TAX1BP1: variants seen among roughly 807,000 people sequenced by gnomAD.
TAX1BP1 encodes tax1-binding protein 1.
TAX1BP1 carries 62 observed loss-of-function variants against 97.7 expected under a neutral mutation model. That is an observed-to-expected ratio of 0.63 (90% CI 0.52 to 0.78). The LOEUF (loss-of-function observed/expected upper bound fraction) is 0.78, where lower values mean the gene tolerates loss of function less well. Among genes scored for constraint, TAX1BP1 ranks in the 30% least tolerant of loss-of-function variants. The probability of loss-of-function intolerance (pLI) is 0.00; values close to 1 mark genes in which losing one functional copy is unlikely to be tolerated. For missense variants in TAX1BP1, 867 were observed against 916.1 expected, an observed-to-expected ratio of 0.95 and a Z score of 0.69; for synonymous variants, 340 against 304.2, an observed-to-expected ratio of 1.12 and a Z score of -1.23.
chr7:27,797,185 G>A (rs537567430), intron 12 of TAX1BP1, among the ~76,000 whole-genome samples: 4 of 151,908 alleles, frequency 2.6e-5, no homozygotes, highest in Admixed American at 6.6e-5. Context: ...TTTTAGTAGA[G>A]GCGGGGTTTC....
chr7:27,759,279 T>G (rs1788338437), intron 3 of TAX1BP1, among the ~76,000 whole-genome samples: 1 of 152,162 alleles, frequency 6.6e-6, no homozygotes, highest in African/African-American at 2.4e-5. Flanking sequence ...AAAATCTGTG[T>G]GTTAACAAGA....
chr7:27,755,382 C>T (rs1788175064), intron 2 of TAX1BP1, among the ~76,000 whole-genome samples: 1 of 151,956 alleles, frequency 6.6e-6, no homozygotes, highest in African/African-American at 2.4e-5. Context: ...AACATCAGTC[C>T]CCTCTTCTCT....
At chr7:27,743,772 T>A (rs1228060934) in intron 1 of TAX1BP1, among the ~76,000 whole-genome samples, 1 of 444 alleles carries the variant, frequency 2.3e-3, no homozygotes, top group Non-Finnish European at 3.1e-3. Context: ...TCTTTATTTT[T>A]TTTTTTTTTT....
chr7:27,811,709 G>C (rs1045549875), intron 13 of TAX1BP1, among the ~76,000 whole-genome samples: 8 of 152,010 alleles, frequency 5.3e-5, no homozygotes, highest in African/African-American at 1.7e-4. Context: ...CATTCAAGCA[G>C]TGTAACGTTT....
At chr7:27,789,268 T>G (rs1448910127) in intron 8 of TAX1BP1, among the ~76,000 whole-genome samples, 1 of 152,034 alleles carries the variant, frequency 6.6e-6, no homozygotes, top group Non-Finnish European at 1.5e-5. Flanking sequence ...TTTCATTTGC[T>G]TGTATTTAAT....
At chr7:27,750,655 A>G (rs573563423) in intron 2 of TAX1BP1, among the ~76,000 whole-genome samples, 3 of 152,314 alleles carry the variant, frequency 2.0e-5, no homozygotes, top group South Asian at 2.1e-4. Flanking sequence ...AAGTCTTTGT[A>G]TATGTATAGG....
chr7:27,741,644 G>A (rs574459329), intron 1 of TAX1BP1, among the ~76,000 whole-genome samples: 1 of 152,182 alleles, frequency 6.6e-6, no homozygotes, highest in South Asian at 2.1e-4. Flanking sequence ...GGGATTACAG[G>A]CGCGCACCAC....
At chr7:27,761,258 C>G (rs532825378) in intron 3 of TAX1BP1, among the ~76,000 whole-genome samples, 1 of 152,190 alleles carries the variant, frequency 6.6e-6, no homozygotes, top group Admixed American at 6.5e-5. Flanking sequence ...CTTACACCAC[C>G]CTTCCCTGCT....
intron 2 of TAX1BP1, among the ~76,000 whole-genome samples, chr7:27,751,218 T>C (rs1788009266): frequency 6.6e-6 from 1 of 152,198 alleles, no homozygotes; most frequent in Admixed American, 6.5e-5. Flanking sequence ...TTTAATACCC[T>C]TTCCATCCTT....
intron 2 of TAX1BP1, among the ~76,000 whole-genome samples, chr7:27,750,815 C>A (rs62449641): frequency 0.12 from 18,860 of 152,116 alleles, 1,240 homozygotes; most frequent in East Asian, 0.13. Context: ...CATTTTACTG[C>A]TTACATATTT....
Position 27,742,651 on chromosome 7 carries a change from A to G in TAX1BP1, c.-8+2382A>G, listed in dbSNP as rs149248673. Reference sequence around the variant, plus strand: ...CCCGGCAAATTTTTGTATTTTTAGTAGAGACGAGGTTTCTCCATGTTGGTC... The same window carrying G: ...CCCGGCAAATTTTTGTATTTTTAGTGGAGACGAGGTTTCTCCATGTTGGTC... On this transcript the variant is annotated intron_variant, in intron 1 of 16. Transcript: ENST00000396319. 4.6e-5 allele frequency among the ~76,000 whole-genome samples: 7 copies of G among 152,274 alleles called. No individual in the cohort carries two copies. In the East Asian group the frequency reaches 1.2e-3, roughly 25 times the overall value.
intron 5 of TAX1BP1, among the ~76,000 whole-genome samples, chr7:27,780,499 T>C (rs1339084225): frequency 2.0e-5 from 3 of 152,182 alleles, no homozygotes; most frequent in African/African-American, 7.2e-5. Context: ...GCACATAACA[T>C]TTCCTACACA....
At chr7:27,752,308 T>C (rs116194068) in intron 2 of TAX1BP1, among the ~76,000 whole-genome samples, 1,561 of 152,220 alleles carry the variant, frequency 0.01, 22 homozygotes, top group African/African-American at 0.034. Flanking sequence ...ATGTTAAAAG[T>C]TGGGGAGGGC....
At position 27,828,806 on chromosome 7, in the gene TAX1BP1, C is replaced by G. The variant is rs1459362092; in HGVS notation, c.2347C>G (p.Gln783Glu). The change falls in exon 17 of 17, where the codon CAG (glutamine) becomes GAG (glutamate). Residue 783 changes from glutamine to glutamate, a missense_variant. Transcript: ENST00000396319. ...AAGGCATGTGCAGACCCATTTTGATCAGAATGTTCTAAATTTTGACTAGTT... is the reference window on the plus strand; with the variant it reads ...AAGGCATGTGCAGACCCATTTTGATGAGAATGTTCTAAATTTTGACTAGTT... ...FERHVQTHFD[Q>E]NVLNFD 1 of 1,582,946 alleles carries G rather than the reference C, an allele frequency of 6.3e-7. No individual in the cohort carries two copies. Among genetic ancestry groups the G allele is most frequent in the Non-Finnish European group, 8.6e-7 (1 of 1,162,140 alleles).
At chr7:27,741,502 T>C (rs1380841774) in intron 1 of TAX1BP1, among the ~76,000 whole-genome samples, 1 of 151,614 alleles carries the variant, frequency 6.6e-6, no homozygotes, top group Non-Finnish European at 1.5e-5. Flanking sequence ...TCACGTTCTT[T>C]TTTTTTTTTT....
intron 2 of TAX1BP1, among the ~76,000 whole-genome samples, chr7:27,753,775 T>C (rs58787573): frequency 6.6e-6 from 1 of 152,190 alleles, no homozygotes; most frequent in Non-Finnish European, 1.5e-5. Flanking sequence ...GTAAAAGTTA[T>C]GTGAATGTGG....
At chr7:27,769,952 T>TAG in intron 5 of TAX1BP1, 118 bp downstream of exon 5, 1 of 904,926 alleles carries the variant, frequency 1.1e-6, no homozygotes, top group Non-Finnish European at 1.7e-6. Flanking sequence ...AGTAGCCTTT[T>TAG]AGATAGACGT....
intron 2 of TAX1BP1, among the ~76,000 whole-genome samples, chr7:27,752,106 G>T: frequency 6.6e-6 from 1 of 152,206 alleles, no homozygotes; most frequent in Non-Finnish European, 1.5e-5. Context: ...ATTGGAATTC[G>T]AAAGGAATGG....
intron 13 of TAX1BP1, chr7:27,803,133 G>A (rs996499746): frequency 6.5e-7 from 1 of 1,548,066 alleles, no homozygotes; most frequent in Admixed American, 2.0e-5. Context: ...GAAAGACAAA[G>A]AAATAAGTGG....
Sources: allele counts gnomAD v4.1 joint callset (sites outside exome capture counted in the v4.1 genomes callset), GRCh38; gene constraint gnomAD v4.1.1; transcripts MANE v1.5; gene names NCBI Gene and HGNC (gene_info 2026-07-23, HGNC 2026-07-21).